Variants in RGS7 observed in about 807,000 individuals in gnomAD.
RGS7 encodes regulator of G-protein signaling 7.
RGS7 carries 27 observed loss-of-function variants against 81.1 expected under a neutral mutation model. The observed-to-expected ratio is 0.33, with a 90% CI of 0.25 to 0.46. The LOEUF (loss-of-function observed/expected upper bound fraction) is 0.46. Among genes scored for constraint, RGS7 ranks in the 20% least tolerant of loss-of-function variants. RGS7 has a pLI of 1.00. For synonymous variants in RGS7, 208 were observed against 207.7 expected, an observed-to-expected ratio of 1.00 and a Z score of -0.01; for missense variants, 396 against 607.4, an observed-to-expected ratio of 0.65 and a Z score of 3.66.
At chr1:241,211,081 TC>T (rs1193101448) in intron 2 of RGS7, among the ~76,000 whole-genome samples, 26 of 152,072 alleles carry the variant, frequency 1.7e-4, no homozygotes, top group African/African-American at 5.8e-4. Flanking sequence ...GGTGGGGAGT[TC>T]AAAACCAGCC....
At chr1:241,127,625 T>C (rs1161167428) in intron 2 of RGS7, among the ~76,000 whole-genome samples, 6 of 152,082 alleles carry the variant, frequency 3.9e-5, no homozygotes, top group Non-Finnish European at 7.4e-5. Context: ...CACACCAACA[T>C]GGCACATGTA....
intron 2 of RGS7, among the ~76,000 whole-genome samples, chr1:241,350,847 A>C (rs1398142354): frequency 6.6e-6 from 1 of 152,046 alleles, no homozygotes; most frequent in Non-Finnish European, 1.5e-5. Context: ...GCAGTCCTGC[A>C]CTGACAAACC....
At chr1:241,291,261 G>C (rs1426090160) in intron 2 of RGS7, among the ~76,000 whole-genome samples, 6 of 152,158 alleles carry the variant, frequency 3.9e-5, no homozygotes, top group Admixed American at 3.9e-4. Flanking sequence ...CATTTTAAAT[G>C]GGTCTCAGAG....
intron 9 of RGS7, among the ~76,000 whole-genome samples, chr1:240,832,086 A>T (rs751948087): frequency 2.0e-5 from 3 of 152,180 alleles, no homozygotes; most frequent in Admixed American, 2.0e-4. Flanking sequence ...CATCTTTTTG[A>T]TGCATATATA....
chr1:240,928,817 G>A (rs928693730), intron 6 of RGS7, among the ~76,000 whole-genome samples: 2 of 151,842 alleles, frequency 1.3e-5, no homozygotes, highest in African/African-American at 4.8e-5. Context: ...CGTCATGTTG[G>A]CCAGGCTGGT....
chr1:241,036,896 T>G (rs1240216191), intron 3 of RGS7, among the ~76,000 whole-genome samples: 3 of 152,126 alleles, frequency 2.0e-5, no homozygotes, highest in Non-Finnish European at 2.9e-5. Flanking sequence ...CCTGTTGCAC[T>G]CCACTAACAA....
chr1:241,340,629 C>T (rs1671614807), intron 2 of RGS7, among the ~76,000 whole-genome samples: 2 of 151,942 alleles, frequency 1.3e-5, no homozygotes, highest in Admixed American at 1.3e-4. Flanking sequence ...ACTATCATCA[C>T]CCAAAAGGGT....
intron 5 of RGS7, among the ~76,000 whole-genome samples, chr1:240,933,292 T>C (rs923618181): frequency 1.3e-5 from 2 of 151,956 alleles, no homozygotes; most frequent in Non-Finnish European, 2.9e-5. Flanking sequence ...GGCATATCTA[T>C]TTATCTAACC....
chr1:240,783,119 A>T (rs768926520), intron 18 of RGS7, among the ~76,000 whole-genome samples: 1 of 152,224 alleles, frequency 6.6e-6, no homozygotes, highest in Non-Finnish European at 1.5e-5. Flanking sequence ...AGTCTATAAT[A>T]CAATAATTAC....
At chr1:241,023,738 T>G (rs1184592985) in intron 3 of RGS7, among the ~76,000 whole-genome samples, 1 of 152,084 alleles carries the variant, frequency 6.6e-6, no homozygotes, top group Non-Finnish European at 1.5e-5. Context: ...CTTTTCATAT[T>G]GATTGATTGA....
chr1:240,824,550 G>A (rs1377981519), intron 10 of RGS7, among the ~76,000 whole-genome samples: 1 of 152,238 alleles, frequency 6.6e-6, no homozygotes, highest in Non-Finnish European at 1.5e-5. Context: ...AGCGTCACCT[G>A]CTCCGCAGAT....
intron 3 of RGS7, among the ~76,000 whole-genome samples, chr1:240,994,389 C>A (rs2148603035): frequency 6.6e-6 from 1 of 152,276 alleles, no homozygotes; most frequent in African/African-American, 2.4e-5. Context: ...AAGTCCTGAA[C>A]AAACTTTATT....
intron 2 of RGS7, among the ~76,000 whole-genome samples, chr1:241,243,884 T>C (rs1045084728): frequency 1.3e-5 from 2 of 152,172 alleles, no homozygotes; most frequent in Admixed American, 1.3e-4. Flanking sequence ...ATCATTTCAT[T>C]ATTCAAAGAA....
rs1572906526 is a variant in RGS7 at position 240,946,987 on chromosome 1, T to G, written c.227-10281A>C. On this transcript the variant is annotated intron_variant, in intron 4 of 18. Transcript: ENST00000440928. ...CATTGAAACATCACATCATACCTTA[T>G]AAATATATACAACTATAAGGTGCCA... Among the ~76,000 whole-genome samples the G allele has an allele frequency of 2.0e-5, 3 of 152,328 alleles. No homozygotes were observed. The South Asian group carries it at 6.2e-4, about 32-fold the overall frequency.
At chr1:240,789,338 G>A (rs1447026697) in intron 18 of RGS7, among the ~76,000 whole-genome samples, 2 of 152,178 alleles carry the variant, frequency 1.3e-5, no homozygotes, top group African/African-American at 2.4e-5. Flanking sequence ...TGTAGAGCAT[G>A]TGTGTTTGAA....
Position 241,038,126 on chromosome 1 carries a change from A to T in RGS7, c.176-54997T>A, listed in dbSNP as rs76755982. ...CCCAAAAACTATTAAAATCTTTTTT[A>T]AAAAAATCAGTGTGTATTTGTTACA... On this transcript the variant is annotated intron_variant, in intron 3 of 18. Coordinates refer to ENST00000440928, the MANE Select transcript of RGS7 (RefSeq NM_001364886.1). Among the ~76,000 whole-genome samples the T allele has an allele frequency of 5.9e-3, 891 of 152,298 alleles. 8 individuals are homozygous for T. Among genetic ancestry groups the T allele is most frequent in the Admixed American group, 0.021 (323 of 15,288 alleles).
chr1:240,900,532 G>A (rs992913894), intron 6 of RGS7, among the ~76,000 whole-genome samples: 2 of 152,172 alleles, frequency 1.3e-5, no homozygotes, highest in Non-Finnish European at 2.9e-5. Context: ...CTCAGCTGCA[G>A]GTTTGTTGGA....
At chr1:241,038,498 T>C (rs2060444839) in intron 3 of RGS7, among the ~76,000 whole-genome samples, 1 of 152,142 alleles carries the variant, frequency 6.6e-6, no homozygotes, top group Non-Finnish European at 1.5e-5. Context: ...ATTTGACAAG[T>C]ATAGTTAATA....
At chr1:240,930,635 T>TGAAAAAAGCAATAA in intron 6 of RGS7, 82 bp downstream of exon 6, 1 of 1,298,652 alleles carries the variant, frequency 7.7e-7, no homozygotes, top group Non-Finnish European at 1.1e-6. Context: ...CTTTTCTTAA[T>TGAAAAAAGCAATAA]GAAAAAAGCA....
Sources: allele counts gnomAD v4.1 joint callset (sites outside exome capture counted in the v4.1 genomes callset), GRCh38; gene constraint gnomAD v4.1.1; transcripts MANE v1.5; gene names NCBI Gene and HGNC (gene_info 2026-07-23, HGNC 2026-07-21).